ABLIM3: variants seen among roughly 807,000 people sequenced by gnomAD.
ABLIM3 encodes actin binding LIM protein family member 3.
A neutral mutation model predicts 109.5 loss-of-function variants in ABLIM3; 61 were observed. That is an observed-to-expected ratio of 0.56 (90% CI 0.45 to 0.69). ABLIM3 has a LOEUF of 0.69. ABLIM3 is among the 30% of genes least tolerant of loss of function. ABLIM3 has a pLI of 0.00. For missense variants in ABLIM3, 796 were observed against 889.5 expected, an observed-to-expected ratio of 0.89 and a Z score of 1.34; for synonymous variants, 300 against 324.8, an observed-to-expected ratio of 0.92 and a Z score of 0.82.
intron 12 of ABLIM3, 45 bp from the exon 13 acceptor site, chr5:149,239,714 C>A: frequency 1.3e-6 from 2 of 1,537,192 alleles, no homozygotes; most frequent in Non-Finnish European, 1.7e-6. Context: ...GGCCACAGGC[C>A]CACTTAACAG....
chr5:149,172,052 C>T (rs1755487550), intron 2 of ABLIM3, among the ~76,000 whole-genome samples: 1 of 152,170 alleles, frequency 6.6e-6, no homozygotes. Flanking sequence ...TTTAAATAAT[C>T]ACAAATGACT....
intron 2 of ABLIM3, among the ~76,000 whole-genome samples, chr5:149,180,724 T>C (rs1374401758): frequency 6.6e-6 from 1 of 152,222 alleles, no homozygotes; most frequent in Non-Finnish European, 1.5e-5. Context: ...ACATCAGAGC[T>C]CTGGCCACAC....
chr5:149,250,635 G>T, intron 20 of ABLIM3, 130 bp downstream of exon 20: 1 of 1,048,522 alleles, frequency 9.5e-7, no homozygotes, highest in Non-Finnish European at 1.4e-6. Context: ...TGACACAACT[G>T]TATGGCAATG....
Position 149,240,556 on chromosome 5 carries a change from C to A in ABLIM3, c.1205-120C>A, listed in dbSNP as rs549549614. On this transcript the variant is annotated intron_variant, in intron 13 of 23. Coordinates refer to ENST00000309868, the MANE Select transcript of ABLIM3 (RefSeq NM_014945.5). ...CCCGGAACCTGAGCACGCTGAGACG[C>A]CCCAGCCCATCCCCCATCTCTGCTG... is the stretch of plus-strand genomic sequence containing the variant. 2.4e-3 allele frequency: 1,850 copies of A among 779,806 alleles called. 30 individuals carry two copies. Among genetic ancestry groups the A allele is most frequent in the South Asian group, 0.016 (1,060 of 65,996 alleles). 48.3% of individuals were successfully genotyped at this position (779,806 alleles called of 1,614,324 possible).
In ABLIM3 at chr5:149,198,191, G is replaced by A. The variant is rs752286038; in HGVS notation, c.152-28G>A. 4.4e-6 allele frequency: 7 copies of A among 1,596,606 alleles called. No individual in the cohort carries two copies. The highest frequency in any genetic ancestry group is 6.0e-6 in the Non-Finnish European group (7 of 1,170,910). The stretch of plus-strand genomic sequence containing the variant: ...TACAGACCCTCCCTGGACTCAACCT[G>A]CCCTTGTTTTCCTCCTTGTTCCCCA... On this transcript the variant is annotated intron_variant, in intron 3 of 23. Transcript: ENST00000309868. The surrounding 1 kb of genome is among the most constrained non-coding windows in gnomAD (Gnocchi z 4.2).
At chr5:149,230,966 G>GT (rs1761798316) in intron 9 of ABLIM3, among the ~76,000 whole-genome samples, 1 of 152,216 alleles carries the variant, frequency 6.6e-6, no homozygotes, top group African/African-American at 2.4e-5. Flanking sequence ...GGGTGAGGCT[G>GT]TAACTCTACC....
intron 10 of ABLIM3, among the ~76,000 whole-genome samples, chr5:149,235,345 A>C (rs139964313): frequency 6.6e-6 from 1 of 152,250 alleles, no homozygotes; most frequent in African/African-American, 2.4e-5. Context: ...AAATAGAATT[A>C]TCAGTGAACC....
chr5:149,177,961 T>A (rs1359761168), intron 2 of ABLIM3, among the ~76,000 whole-genome samples: 2 of 152,182 alleles, frequency 1.3e-5, no homozygotes, highest in Non-Finnish European at 2.9e-5. Flanking sequence ...TTGCTCAGGA[T>A]CACACAACCA....
intron 3 of ABLIM3, among the ~76,000 whole-genome samples, chr5:149,191,110 GA>G (rs1757435621): frequency 6.6e-6 from 1 of 151,920 alleles, no homozygotes; most frequent in Non-Finnish European, 1.5e-5. Context: ...ATTAATCAAA[GA>G]AAAAACGCAC....
rs919195301 is a variant in ABLIM3, at chr5:149,207,013, G to A, written c.454G>A (p.Ala152Thr). ...PIKIRGPSHC[A>T]GCKEEIKHGQ... is the part of the protein sequence containing the mutation. ...AGTGTCCTCTTGTCTTGCAGACTGT[G>A]CCGGGTGCAAGGAGGAGATCAAGCA... Residue 152 changes from alanine to threonine, a missense_variant, in exon 6 of 24, where the codon GCC becomes ACC. Coordinates refer to ENST00000309868, the MANE Select transcript of ABLIM3 (RefSeq NM_014945.5). 5 of 1,613,730 alleles carry A rather than the reference G, an allele frequency of 3.1e-6. No homozygotes were observed. In the South Asian group the frequency reaches 3.3e-5, roughly 11 times the overall value.
intron 18 of ABLIM3, among the ~76,000 whole-genome samples, 196 bp from the exon 19 acceptor site, chr5:149,249,619 C>G (rs1753737791): frequency 6.6e-6 from 1 of 152,178 alleles, no homozygotes; most frequent in Non-Finnish European, 1.5e-5. Context: ...AGGCTGGGAG[C>G]TGGACAGGGA....
In ABLIM3 at chr5:149,259,437, T is replaced by C. The variant is rs2127581402; in HGVS notation, c.*1033T>C. The C allele has an allele frequency of 6.6e-7, 1 of 1,523,308 alleles. No individual in the cohort carries two copies. The highest frequency in any genetic ancestry group is 8.8e-7 in the Non-Finnish European group (1 of 1,139,072). The allele number at this position is 1,523,308 out of a possible 1,614,324, so 94.4% of individuals were successfully genotyped here. ...CTCCAGAGAGAAAATAGGCCGTGTC[T>C]CAAAGAAAGGTTCTTGGTCTATGCC... On this transcript the variant is annotated 3_prime_UTR_variant, in exon 24 of 24. Transcript: ENST00000309868.
At chr5:149,225,640 T>C (rs905425633) in intron 8 of ABLIM3, among the ~76,000 whole-genome samples, 6 of 152,136 alleles carry the variant, frequency 3.9e-5, no homozygotes, top group African/African-American at 1.4e-4. Flanking sequence ...TGTGAGATTT[T>C]AGTGCACCCA....
chr5:149,208,746 A>C (rs1759260223), intron 6 of ABLIM3, among the ~76,000 whole-genome samples: 1 of 152,200 alleles, frequency 6.6e-6, no homozygotes, highest in African/African-American at 2.4e-5. Context: ...AGGGAAATCC[A>C]GGCGAGGTAC....
chr5:149,250,918 T>C (rs1005226128), intron 20 of ABLIM3, among the ~76,000 whole-genome samples: 1 of 152,120 alleles, frequency 6.6e-6, no homozygotes, highest in Non-Finnish European at 1.5e-5. Context: ...GGCCAGCTGA[T>C]CCCACAGCCC....
At position 149,258,547 on chromosome 5, in the gene ABLIM3, C is replaced by T. The variant is rs995752725; in HGVS notation, c.*143C>T. 62 of 1,391,524 alleles carry T rather than the reference C, an allele frequency of 4.5e-5. No homozygotes were observed. Among genetic ancestry groups the T allele is most frequent in the Non-Finnish European group, 5.5e-5 (59 of 1,077,364 alleles). The allele number at this position is 1,391,524 out of a possible 1,614,324, so 86.2% of individuals were successfully genotyped here. On this transcript the variant is annotated 3_prime_UTR_variant, in exon 24 of 24. Transcript: ENST00000309868. ...TTTTCTGTACTGTCAGGCAAGCCCA[C>T]GTCATCGAGATATTTTTATGCTCCT...
chr5:149,206,492 A>G (rs574839731), intron 5 of ABLIM3, among the ~76,000 whole-genome samples: 9 of 152,358 alleles, frequency 5.9e-5, no homozygotes, highest in African/African-American at 1.7e-4. Flanking sequence ...ACCACAAAAT[A>G]TAAACACAGC....
chr5:149,169,240 T>G (rs1178961064), intron 2 of ABLIM3, among the ~76,000 whole-genome samples: 1 of 152,160 alleles, frequency 6.6e-6, no homozygotes, highest in Non-Finnish European at 1.5e-5. Flanking sequence ...TCTAAACACA[T>G]TTATTTGACG....
intron 23 of ABLIM3, among the ~76,000 whole-genome samples, chr5:149,255,708 T>C (rs898039930): frequency 1.3e-5 from 2 of 152,086 alleles, no homozygotes; most frequent in African/African-American, 4.8e-5. Flanking sequence ...CTTGTTGTGT[T>C]TGAACATAGC....
Sources: allele counts gnomAD v4.1 joint callset (sites outside exome capture counted in the v4.1 genomes callset), GRCh38; gene constraint gnomAD v4.1.1; non-coding constraint Gnocchi (gnomAD v3.1); transcripts MANE v1.5; gene names NCBI Gene and HGNC (gene_info 2026-07-23, HGNC 2026-07-21).